The following STK31 variants were observed in gnomAD, a reference collection of about 807,000 sequenced individuals.
STK31 encodes the protein serine/threonine kinase 31, also known as serine/threonine-protein kinase 31.
In STK31, 89 loss-of-function variants were observed where a neutral mutation model predicts 129.7. The observed-to-expected ratio is 0.69, with a 90% CI of 0.58 to 0.82. STK31 has a LOEUF of 0.82. STK31 is among the 40% of genes least tolerant of loss of function. The pLI is 0.00. For synonymous variants in STK31, 448 were observed against 395.3 expected (o/e 1.13, Z -1.58); for missense variants, 1,187 against 1,176.4 (o/e 1.01, Z -0.13).
intron 22 of STK31, among the ~76,000 whole-genome samples, chr7:23,805,673 T>C (rs1428619264): frequency 6.6e-6 from 1 of 152,046 alleles, no homozygotes; most frequent in Admixed American, 6.6e-5. Context: ...TTTGTAAAGA[T>C]GGGGTTTCAC....
chr7:23,797,278 A>G (rs1442113057), intron 22 of STK31, among the ~76,000 whole-genome samples: 1 of 152,216 alleles, frequency 6.6e-6, no homozygotes, highest in African/African-American at 2.4e-5. Context: ...ATAGACACCT[A>G]CAGAACTCTC....
At chr7:23,783,066 A>G (rs576707569) in intron 16 of STK31, among the ~76,000 whole-genome samples, 2 of 152,332 alleles carry the variant, frequency 1.3e-5, no homozygotes, top group South Asian at 2.1e-4. Flanking sequence ...ATCACAGCAT[A>G]TTCGGAGAGA....
chr7:23,735,750 T>A lies in STK31; in HGVS notation c.696T>A (p.Val232=), dbSNP rs1433519688. 1 of 1,614,028 alleles carries A rather than the reference T, an allele frequency of 6.2e-7. No individual in the cohort carries two copies. Among genetic ancestry groups the A allele is most frequent in the African/African-American group, 1.3e-5 (1 of 74,936 alleles). The change falls in exon 7 of 24, where the codon GTT becomes GTA. Residue 232 remains valine (V), a synonymous_variant. Transcript: ENST00000355870. The part of the protein sequence containing the change: ...EEKKLDPGQL[V]LRNLKSPIPL... ...AAAAATTGGATCCTGGTCAACTTGT[T>A]CTCAGGAACCTCAAAAGCCCCATTC...
chr7:23,769,128 A>C lies in STK31; in HGVS notation c.1550A>C (p.Asp517Ala). The change falls in exon 12 of 24, where the codon GAC becomes GCC. Residue 517 changes from aspartate (D) to alanine (A), a missense_variant. Around this residue, in one of 5 missense-constraint regions of STK31, gnomAD observed 975 missense variants for 934.9 expected, o/e 1.04. Coordinates refer to ENST00000355870, the MANE Select transcript of STK31 (RefSeq NM_031414.5). ...TTCACCAGTGTTAGAAGTGAAACAGACGCTTCTCTGCACCGTCTTGTAGCA... is the reference window on the plus strand; with the variant it reads ...TTCACCAGTGTTAGAAGTGAAACAGCCGCTTCTCTGCACCGTCTTGTAGCA... ...EEFTSVRSETDASLHRLVAWF... is the reference protein window; with the variant it reads ...EEFTSVRSETAASLHRLVAWF... 1 of 1,612,398 alleles carries C rather than the reference A, an allele frequency of 6.2e-7. No individual in the cohort carries two copies. The highest frequency in any genetic ancestry group is 8.5e-7 in the Non-Finnish European group (1 of 1,179,144).
At chr7:23,829,258 C>A (rs1038456126) in intron 23 of STK31, among the ~76,000 whole-genome samples, 2 of 152,022 alleles carry the variant, frequency 1.3e-5, no homozygotes, top group Non-Finnish European at 2.9e-5. Context: ...TTAGCTGTGG[C>A]TTTGTTACAG....
At chr7:23,731,670 C>T (rs1381595859) in intron 6 of STK31, among the ~76,000 whole-genome samples, 3 of 152,158 alleles carry the variant, frequency 2.0e-5, no homozygotes, top group Non-Finnish European at 4.4e-5. Flanking sequence ...CGCTATGCTG[C>T]AGCACAGTCA....
chr7:23,754,423 A>G lies in STK31; in HGVS notation c.1242A>G (p.Ile414Met), dbSNP rs768236124. The G allele has an allele frequency of 2.5e-6, 4 of 1,614,016 alleles. No homozygotes were observed. Among genetic ancestry groups the G allele is most frequent in the Non-Finnish European group, 2.5e-6 (3 of 1,179,942 alleles). ...TPASLNGLEIIWAEYSLAQEN... is the reference protein window; with the variant it reads ...TPASLNGLEIMWAEYSLAQEN... ...CTTCTTTGAATGGATTAGAGATAAT[A>G]TGGGCAGAATACAGTCTGGCTCAGG... Residue 414 changes from isoleucine to methionine, a missense_variant, in exon 10 of 24, where the codon ATA becomes ATG. Ile to Met is a conservative substitution (Grantham distance 10). This residue lies in a region of STK31 where 975 missense variants were observed against 934.9 expected (regional missense o/e 1.04). Coordinates refer to ENST00000355870, the MANE Select transcript of STK31 (RefSeq NM_031414.5).
intron 8 of STK31, among the ~76,000 whole-genome samples, chr7:23,747,575 A>C (rs201632150): frequency 6.6e-6 from 1 of 151,612 alleles, no homozygotes; most frequent in East Asian, 1.9e-4. Context: ...TCACTATGTT[A>C]GCCAGGATGG....
intron 4 of STK31, 100 bp from the exon 5 acceptor site, chr7:23,727,141 A>G (rs1373741310): frequency 3.4e-6 from 3 of 873,396 alleles, no homozygotes; most frequent in Non-Finnish European, 5.5e-6. Flanking sequence ...TATATAAAGT[A>G]CTTATTGACA....
At position 23,712,931 on chromosome 7, in the gene STK31, T is replaced by G. The variant is rs73080922; in HGVS notation, c.150+645T>G. Among the ~76,000 whole-genome samples, 1,083 of 152,250 alleles carry G rather than the reference T, an allele frequency of 7.1e-3. 2 individuals carry two copies. Among genetic ancestry groups the G allele is most frequent in the South Asian group, 0.026 (125 of 4,832 alleles). On this transcript the variant is annotated intron_variant, in intron 3 of 23. Transcript: ENST00000355870. Reference sequence around the variant, plus strand: ...GGAAAGAAATTACGTTTCTCTATACTCCCTACAGCATGGGAACTCCTTTTG... The same window carrying G: ...GGAAAGAAATTACGTTTCTCTATACGCCCTACAGCATGGGAACTCCTTTTG...
chr7:23,781,770 C>A (rs1194678646), intron 16 of STK31, among the ~76,000 whole-genome samples: 1 of 152,154 alleles, frequency 6.6e-6, no homozygotes, highest in African/African-American at 2.4e-5. Context: ...TGTAATATTT[C>A]CACTCAGTGA....
At chr7:23,797,995 T>C (rs937057947) in intron 22 of STK31, among the ~76,000 whole-genome samples, 2 of 151,982 alleles carry the variant, frequency 1.3e-5, no homozygotes, top group Non-Finnish European at 2.9e-5. Flanking sequence ...AACTAGAAAA[T>C]CTAGAAGAAA....
At chr7:23,791,825 G>A (rs537602881) in intron 22 of STK31, among the ~76,000 whole-genome samples, 1 of 152,252 alleles carries the variant, frequency 6.6e-6, no homozygotes, top group South Asian at 2.1e-4. Flanking sequence ...CAGCCCAGGG[G>A]CCAGCAAGCA....
chr7:23,713,014 T>G (rs552946169), intron 3 of STK31, among the ~76,000 whole-genome samples: 2 of 152,238 alleles, frequency 1.3e-5, no homozygotes, highest in South Asian at 2.1e-4. Context: ...GAGAAGAAAG[T>G]TCTAGAAGAA....
intron 11 of STK31, among the ~76,000 whole-genome samples, chr7:23,767,223 C>T (rs185069806): frequency 6.6e-6 from 1 of 152,174 alleles, no homozygotes; most frequent in Admixed American, 6.5e-5. Context: ...GTTTTTTATA[C>T]TTCTTTCAGA....
intron 4 of STK31, among the ~76,000 whole-genome samples, chr7:23,723,336 C>A (rs531203198): frequency 6.6e-6 from 1 of 152,248 alleles, no homozygotes; most frequent in South Asian, 2.1e-4. Flanking sequence ...TGACAGATTT[C>A]TTTCAGAGAC....
chr7:23,822,970 C>T (rs1238833631), intron 23 of STK31, among the ~76,000 whole-genome samples: 1 of 152,140 alleles, frequency 6.6e-6, no homozygotes, highest in Non-Finnish European at 1.5e-5. Context: ...TGTATATGTG[C>T]CACATTTTCT....
At chr7:23,803,058 G>T (rs553018172) in intron 22 of STK31, among the ~76,000 whole-genome samples, 1 of 152,274 alleles carries the variant, frequency 6.6e-6, no homozygotes, top group South Asian at 2.1e-4. Context: ...AGAATTTCAT[G>T]TTTGGAAGCT....
rs70956911 is a variant in STK31 at position 23,717,097 on chromosome 7, C to CTTTTTTTTTTTTT, written c.151-368_151-356dup. On this transcript the variant is annotated intron_variant, in intron 3 of 23. Coordinates refer to ENST00000355870, the MANE Select transcript of STK31 (RefSeq NM_031414.5). ...TACAGGTGTGAGCCATCGCAACCTG[C>CTTTTTTTTTTTTT]TTTTTTTTTTTTTTTTTTTTTTTTT... 3.7e-3 allele frequency among the ~76,000 whole-genome samples: 159 copies of CTTTTTTTTTTTTT among 42,916 alleles called. 13 individuals are homozygous for CTTTTTTTTTTTTT. The highest frequency in any genetic ancestry group is 8.5e-3 in the South Asian group (9 of 1,060). 28.2% of individuals were successfully genotyped at this position (42,916 alleles called of 152,430 possible).
Sources: allele counts gnomAD v4.1 joint callset (sites outside exome capture counted in the v4.1 genomes callset), GRCh38; gene constraint gnomAD v4.1.1; regional missense constraint gnomAD v4.1.1; transcripts MANE v1.5; gene names NCBI Gene and HGNC (gene_info 2026-07-23, HGNC 2026-07-21).